The following PSD3 variants were observed in gnomAD, a reference collection of about 807,000 sequenced individuals.
PSD3 encodes PH and SEC7 domain-containing protein 3.
In PSD3, 49 loss-of-function variants were observed where a neutral mutation model predicts 105.5. The observed-to-expected ratio is 0.46, with a 90% confidence interval of 0.37 to 0.59. PSD3 has a LOEUF of 0.59. Among genes scored for constraint, PSD3 ranks in the 20% least tolerant of loss-of-function variants. The pLI is 0.00. For synonymous variants in PSD3, 557 were observed against 457.8 expected (o/e 1.22, Z -2.77); for missense variants, 1,561 against 1,263.8 (o/e 1.24, Z -3.57).
At chr8:18,725,461 C>G (rs191652355) in intron 9 of PSD3, among the ~76,000 whole-genome samples, 7 of 152,210 alleles carry the variant, frequency 4.6e-5, no homozygotes, top group Admixed American at 4.6e-4. Context: ...ATCCATTATA[C>G]TTCCTTCAAG....
chr8:19,055,033 C>A (rs1828661816), intron 1 of PSD3, among the ~76,000 whole-genome samples: 1 of 152,164 alleles, frequency 6.6e-6, no homozygotes, highest in African/African-American at 2.4e-5. Flanking sequence ...ATGCATTTGT[C>A]ACTTCTGGGC....
chr8:18,838,737 G>C (rs1663252264), intron 4 of PSD3, among the ~76,000 whole-genome samples: 1 of 151,186 alleles, frequency 6.6e-6, no homozygotes, highest in Non-Finnish European at 1.5e-5. Flanking sequence ...GGGAGGCAGA[G>C]CTTGCAGTGA....
rs373477530 is a variant in PSD3 at position 18,660,462 on chromosome 8, G to C, written c.2173-4777C>G. ...GCAGCCCGAGGAAACTAATACTCTAGCGTACTAGAGAATAGCAGATACCTA... is the reference window on the plus strand; with the variant it reads ...GCAGCCCGAGGAAACTAATACTCTACCGTACTAGAGAATAGCAGATACCTA... On this transcript the variant is annotated intron_variant, in intron 9 of 15. Transcript: ENST00000327040. 2.6e-5 allele frequency among the ~76,000 whole-genome samples: 4 copies of C among 152,152 alleles called. No homozygotes were observed. The East Asian group carries it at 5.8e-4, about 22-fold the overall frequency.
chr8:18,929,325 G>T (rs770103050), intron 2 of PSD3, among the ~76,000 whole-genome samples: 1 of 151,884 alleles, frequency 6.6e-6, no homozygotes, highest in African/African-American at 2.4e-5. Flanking sequence ...AGCCCAGAGG[G>T]CCACAGTTAT....
At chr8:18,761,613 C>G (rs537220111) in intron 9 of PSD3, among the ~76,000 whole-genome samples, 4 of 152,298 alleles carry the variant, frequency 2.6e-5, no homozygotes, top group South Asian at 4.1e-4. Flanking sequence ...TACTGTCTCT[C>G]AAAACACAGC....
At chr8:18,815,123 G>A (rs2129448731) in intron 4 of PSD3, among the ~76,000 whole-genome samples, 1 of 152,178 alleles carries the variant, frequency 6.6e-6, no homozygotes, top group East Asian at 1.9e-4. Flanking sequence ...GGTAATAAAT[G>A]CTACAATCTA....
chr8:19,001,227 T>G (rs1826366765), intron 1 of PSD3, among the ~76,000 whole-genome samples: 1 of 151,830 alleles, frequency 6.6e-6, no homozygotes, highest in African/African-American at 2.4e-5. Context: ...TCCAGGTAGC[T>G]GGGACTACAG....
At chr8:18,822,589 C>G (rs960690518) in intron 4 of PSD3, among the ~76,000 whole-genome samples, 2 of 152,192 alleles carry the variant, frequency 1.3e-5, no homozygotes, top group African/African-American at 4.8e-5. Flanking sequence ...GCCAATATCT[C>G]CCTAGCGACA....
intron 14 of PSD3, among the ~76,000 whole-genome samples, chr8:18,557,888 A>G (rs1181050478): frequency 6.6e-6 from 1 of 152,228 alleles, no homozygotes; most frequent in Non-Finnish European, 1.5e-5. Flanking sequence ...GTGTCCACTC[A>G]AAATTAACCT....
At chr8:18,541,416 G>A (rs138504884) in intron 15 of PSD3, among the ~76,000 whole-genome samples, 5 of 152,126 alleles carry the variant, frequency 3.3e-5, no homozygotes, top group African/African-American at 1.2e-4. Flanking sequence ...CACGTTGATG[G>A]CAGATGCCTG....
intron 1 of PSD3, among the ~76,000 whole-genome samples, chr8:19,055,896 C>G (rs1316570067): frequency 6.6e-6 from 1 of 152,184 alleles, no homozygotes; most frequent in Non-Finnish European, 1.5e-5. Context: ...CAACACTCAG[C>G]CTTGCTGATG....
At chr8:19,067,812 C>G (rs1168487994) in intron 1 of PSD3, among the ~76,000 whole-genome samples, 1 of 152,200 alleles carries the variant, frequency 6.6e-6, no homozygotes, top group Non-Finnish European at 1.5e-5. Flanking sequence ...CTGGGCTTAT[C>G]AAACCCAGCC....
chr8:18,983,191 T>C (rs966405550), intron 1 of PSD3, among the ~76,000 whole-genome samples: 5 of 152,242 alleles, frequency 3.3e-5, no homozygotes, highest in African/African-American at 1.2e-4. Context: ...ATTTTTCTTC[T>C]GCAGCTTCCT....
At chr8:18,833,825 T>A (rs1007670202) in intron 4 of PSD3, among the ~76,000 whole-genome samples, 6 of 152,170 alleles carry the variant, frequency 3.9e-5, no homozygotes, top group African/African-American at 1.4e-4. Flanking sequence ...AAATAATTAC[T>A]TGCATATAAC....
chr8:18,636,246 T>C (rs1807248460), intron 10 of PSD3, among the ~76,000 whole-genome samples: 1 of 151,108 alleles, frequency 6.6e-6, no homozygotes, highest in South Asian at 2.1e-4. Flanking sequence ...GGCTATAAAG[T>C]CCCATGTGTT....
At chr8:18,817,548 C>A (rs1268485105) in intron 4 of PSD3, among the ~76,000 whole-genome samples, 2 of 152,200 alleles carry the variant, frequency 1.3e-5, no homozygotes, top group East Asian at 3.9e-4. Context: ...TGTCCTAAAT[C>A]AAATTGCAAG....
intron 4 of PSD3, among the ~76,000 whole-genome samples, chr8:18,859,224 CTTT>C (rs35179243): frequency 1.8e-4 from 24 of 130,308 alleles, no homozygotes; most frequent in Non-Finnish European, 1.6e-4. Flanking sequence ...CAAAGAAATC[CTTT>C]TTTTTTTTTT....
At chr8:18,717,965 G>T (rs1161217971) in intron 9 of PSD3, among the ~76,000 whole-genome samples, 1 of 152,188 alleles carries the variant, frequency 6.6e-6, no homozygotes, top group South Asian at 2.1e-4. Context: ...GTGATGGCCA[G>T]CTTCCAAGAC....
intron 1 of PSD3, among the ~76,000 whole-genome samples, chr8:18,986,194 A>G (rs1825486561): frequency 6.6e-6 from 1 of 152,230 alleles, no homozygotes; most frequent in South Asian, 2.1e-4. Flanking sequence ...TTGGATTAAC[A>G]GTAGAGGTCC....
Sources: gnomAD v4.1 joint callset for allele counts (sites outside exome capture counted in the v4.1 genomes callset) on GRCh38, gnomAD v4.1.1 for gene constraint, MANE v1.5 for transcripts, NCBI Gene and HGNC (gene_info 2026-07-23, HGNC 2026-07-21) for gene names.